Variants in SLC16A10 observed in about 807,000 individuals in gnomAD.
SLC16A10 encodes the protein monocarboxylate transporter 10.
A neutral mutation model predicts 40.0 loss-of-function variants in SLC16A10; 27 were observed. That is an observed-to-expected ratio of 0.67 (90% confidence interval 0.50 to 0.93). The LOEUF is 0.93. Among genes scored for constraint, SLC16A10 ranks in the 40% least tolerant of loss-of-function variants. SLC16A10 has a pLI of 0.00. For missense variants in SLC16A10, 529 were observed against 658.2 expected (o/e 0.80, Z 2.15); for synonymous variants, 213 against 249.8 (o/e 0.85, Z 1.39).
rs536368797 is a variant in SLC16A10, at chr6:111,094,485, G to C, written c.343+6390G>C. On this transcript the variant is annotated intron_variant, in intron 1 of 5. Transcript: ENST00000368851. ...GTGCATGATACCTCTGGTTGTTTAA[G>C]TCAGAAACCTGGAATGTATCTTAGC... 1.6e-4 allele frequency among the ~76,000 whole-genome samples: 24 copies of C among 152,226 alleles called. No homozygotes were observed. In the South Asian group the frequency reaches 4.4e-3, roughly 28 times the overall value.
intron 3 of SLC16A10, among the ~76,000 whole-genome samples, chr6:111,182,788 A>C (rs1323662361): frequency 6.6e-6 from 1 of 152,194 alleles, no homozygotes; most frequent in Non-Finnish European, 1.5e-5. Flanking sequence ...GATCAGACTC[A>C]AAACTTTGGA....
chr6:111,159,067 CAAAA>C (rs548809670), intron 1 of SLC16A10, among the ~76,000 whole-genome samples: 150 of 23,384 alleles, frequency 6.4e-3, no homozygotes, highest in African/African-American at 0.021. Flanking sequence ...GACCCTGACT[CAAAA>C]AAAAAAAAAA....
intron 3 of SLC16A10, among the ~76,000 whole-genome samples, chr6:111,191,682 T>G (rs1415198521): frequency 6.6e-6 from 1 of 152,260 alleles, no homozygotes; most frequent in Non-Finnish European, 1.5e-5. Context: ...CCAGCATCTG[T>G]TGTTTCCTGA....
chr6:111,117,351 CAAAAAAAAA>C (rs35235587), intron 1 of SLC16A10, among the ~76,000 whole-genome samples: 6 of 73,430 alleles, frequency 8.2e-5, no homozygotes, highest in Non-Finnish European at 1.5e-4. Context: ...GACTCCGTCT[CAAAAAAAAA>C]AAAAAAAAAA....
chr6:111,099,066 C>A (rs967124907), intron 1 of SLC16A10, among the ~76,000 whole-genome samples: 9 of 152,092 alleles, frequency 5.9e-5, no homozygotes, highest in Non-Finnish European at 1.0e-4. Flanking sequence ...GATTCTTTGG[C>A]CATATTTTGA....
chr6:111,102,919 T>C (rs1394494274), intron 1 of SLC16A10, among the ~76,000 whole-genome samples: 3 of 152,196 alleles, frequency 2.0e-5, no homozygotes. Context: ...GTTATTTTTA[T>C]GAGACAGGGT....
chr6:111,216,901 C>A (rs530535074), intron 4 of SLC16A10, among the ~76,000 whole-genome samples: 1 of 152,272 alleles, frequency 6.6e-6, no homozygotes, highest in African/African-American at 2.4e-5. Context: ...GTTGTGAAAA[C>A]CAACACTCCT....
At chr6:111,143,887 G>A (rs1226676755) in intron 1 of SLC16A10, among the ~76,000 whole-genome samples, 1 of 152,156 alleles carries the variant, frequency 6.6e-6, no homozygotes, top group African/African-American at 2.4e-5. Context: ...ACTTTGGGAG[G>A]TCAAGATGGG....
At chr6:111,121,853 T>A (rs1771589996) in intron 1 of SLC16A10, among the ~76,000 whole-genome samples, 1 of 152,212 alleles carries the variant, frequency 6.6e-6, no homozygotes, top group African/African-American at 2.4e-5. Flanking sequence ...TATTTCATCT[T>A]GTTTTGTAAG....
chr6:111,158,751 G>A (rs770868194), intron 1 of SLC16A10, among the ~76,000 whole-genome samples: 8 of 152,152 alleles, frequency 5.3e-5, no homozygotes, highest in Non-Finnish European at 8.8e-5. Flanking sequence ...TATTTTCTGC[G>A]TATCCACTAC....
intron 1 of SLC16A10, among the ~76,000 whole-genome samples, chr6:111,167,984 C>CTTT (rs112355106): frequency 3.3e-4 from 48 of 143,556 alleles, no homozygotes; most frequent in African/African-American, 1.1e-3. Flanking sequence ...CTAGTTTGCA[C>CTTT]TTTTTTTTTT....
rs1397291005 is a variant in SLC16A10, at chr6:111,218,966, C to T, written c.1239C>T (p.Ala413=). 7.4e-6 allele frequency: 12 copies of T among 1,613,894 alleles called. No individual in the cohort carries two copies. The highest frequency in any genetic ancestry group is 1.0e-5 in the Non-Finnish European group (12 of 1,180,024). The change falls in exon 5 of 6, where the codon GCC becomes GCT. Residue 413 remains alanine (A), a synonymous_variant. Coordinates refer to ENST00000368851, the MANE Select transcript of SLC16A10 (RefSeq NM_018593.5). ...CCATAGCCTTTGAGTTAGTTGGTGC[C>T]CAGGATGTCTCCCAAGCAATTGGAT... The part of the protein sequence containing the change: ...MAPIAFELVG[A]QDVSQAIGFL...
At chr6:111,155,705 A>G (rs1412734779) in intron 1 of SLC16A10, among the ~76,000 whole-genome samples, 1 of 152,214 alleles carries the variant, frequency 6.6e-6, no homozygotes, top group Non-Finnish European at 1.5e-5. Context: ...AGGTGTATGT[A>G]AGTATGCTCA....
At chr6:111,201,432 G>A (rs1025913381) in intron 3 of SLC16A10, among the ~76,000 whole-genome samples, 1 of 152,124 alleles carries the variant, frequency 6.6e-6, no homozygotes, top group Non-Finnish European at 1.5e-5. Flanking sequence ...GCCTTTGTTA[G>A]CACTTTGTAG....
At chr6:111,213,380 T>A (rs1194878588) in intron 4 of SLC16A10, among the ~76,000 whole-genome samples, 1 of 152,218 alleles carries the variant, frequency 6.6e-6, no homozygotes, top group Non-Finnish European at 1.5e-5. Flanking sequence ...TTTTAAAAAA[T>A]ATATTCATGA....
At chr6:111,120,996 A>G (rs1002161150) in intron 1 of SLC16A10, among the ~76,000 whole-genome samples, 7 of 152,140 alleles carry the variant, frequency 4.6e-5, no homozygotes, top group African/African-American at 1.7e-4. Context: ...TAGGCACTTT[A>G]TTTCCCTAAT....
chr6:111,213,431 CATCA>C (rs1231306331), intron 4 of SLC16A10, among the ~76,000 whole-genome samples: 7 of 152,274 alleles, frequency 4.6e-5, no homozygotes, highest in African/African-American at 1.7e-4. Context: ...CTTTCCTATC[CATCA>C]GTCTGCCTAA....
chr6:111,192,231 C>T (rs575215854), intron 3 of SLC16A10, among the ~76,000 whole-genome samples: 32 of 152,036 alleles, frequency 2.1e-4, no homozygotes, highest in African/African-American at 3.4e-4. Context: ...TTTTTTCCAC[C>T]GGATACCCCA....
At chr6:111,098,833 T>A (rs1411390197) in intron 1 of SLC16A10, among the ~76,000 whole-genome samples, 1 of 152,212 alleles carries the variant, frequency 6.6e-6, no homozygotes, top group Non-Finnish European at 1.5e-5. Context: ...GTCATTGTTG[T>A]CCTGTAGTAA....
Sources: allele counts gnomAD v4.1 joint callset (sites outside exome capture counted in the v4.1 genomes callset), GRCh38; gene constraint gnomAD v4.1.1; transcripts MANE v1.5; gene names NCBI Gene and HGNC (gene_info 2026-07-23, HGNC 2026-07-21).